The following HEMK2 variants were observed in gnomAD, a reference collection of about 807,000 sequenced individuals.
The protein encoded by HEMK2 is methyltransferase HEMK2.
chr21:28,598,067 A>G, the HEMK2 span, among the ~76,000 whole-genome samples: 3,562 of 152,284 alleles, frequency 0.023, 155 homozygotes, highest in African/African-American at 0.081. Context: ...GATCAGGATC[A>G]TGTATGAGAT....
the HEMK2 span, chr21:28,876,341 C>T: frequency 3.6e-5 from 47 of 1,318,002 alleles, no homozygotes; most frequent in Non-Finnish European, 4.4e-5. Flanking sequence ...TCAAAATATG[C>T]TAAATGCATT....
At chr21:28,870,052 T>C in the HEMK2 span, among the ~76,000 whole-genome samples, 1 of 152,230 alleles carries the variant, frequency 6.6e-6, no homozygotes, top group Non-Finnish European at 1.5e-5. Context: ...GAATTTTTTG[T>C]TTATCATTAT....
the HEMK2 span, among the ~76,000 whole-genome samples, chr21:28,680,754 A>T: frequency 6.6e-6 from 1 of 152,350 alleles, no homozygotes; most frequent in African/African-American, 2.4e-5. Context: ...AACATATGCA[A>T]ATCAATAAAC....
At chr21:28,837,115 C>T in the HEMK2 span, among the ~76,000 whole-genome samples, 1 of 152,182 alleles carries the variant, frequency 6.6e-6, no homozygotes, top group Non-Finnish European at 1.5e-5. Flanking sequence ...CAGCATTCCA[C>T]TGACAGCACT....
At chr21:28,604,388 G>A in the HEMK2 span, among the ~76,000 whole-genome samples, 6 of 152,144 alleles carry the variant, frequency 3.9e-5, no homozygotes, top group Admixed American at 1.3e-4. Context: ...TTGTGCACAT[G>A]TACCCTAGAA....
At chr21:28,709,801 G>C in the HEMK2 span, among the ~76,000 whole-genome samples, 1 of 152,098 alleles carries the variant, frequency 6.6e-6, no homozygotes, top group African/African-American at 2.4e-5. Flanking sequence ...CCAGGTGAAG[G>C]GCACCTGAAA....
the HEMK2 span, among the ~76,000 whole-genome samples, chr21:28,688,349 A>T: frequency 6.6e-6 from 1 of 152,232 alleles, no homozygotes; most frequent in Admixed American, 6.5e-5. Flanking sequence ...TTTCAACAGT[A>T]ATTGAACAAT....
the HEMK2 span, among the ~76,000 whole-genome samples, chr21:28,694,997 C>CA: frequency 0.24 from 26,006 of 109,774 alleles, 2,634 homozygotes; most frequent in East Asian, 0.42. Flanking sequence ...GACTCTGTCT[C>CA]AAAAAAAAAA....
chr21:28,670,840 T>G, the HEMK2 span: 1 of 152,160 alleles, frequency 6.6e-6, no homozygotes, highest in Non-Finnish European at 1.5e-5. Flanking sequence ...CTTATAAAAC[T>G]GTCAGATCTT....
chr21:28,597,904 T>G, the HEMK2 span, among the ~76,000 whole-genome samples: 2 of 152,126 alleles, frequency 1.3e-5, no homozygotes, highest in Non-Finnish European at 2.9e-5. Context: ...AATTTGATGT[T>G]AAGGATGGAA....
the HEMK2 span, among the ~76,000 whole-genome samples, chr21:28,600,795 G>T: frequency 0.39 from 58,582 of 151,972 alleles, 11,705 homozygotes; most frequent in Middle Eastern, 0.48. Context: ...AATTTCTTCC[G>T]CCAGATACCC....
the HEMK2 span, among the ~76,000 whole-genome samples, chr21:28,846,752 T>A: frequency 2.1e-4 from 32 of 152,182 alleles, no homozygotes; most frequent in East Asian, 5.8e-3. Flanking sequence ...AAGCATAGTA[T>A]CTGATAGGTA....
the HEMK2 span, among the ~76,000 whole-genome samples, chr21:28,824,759 G>A: frequency 6.6e-6 from 1 of 152,216 alleles, no homozygotes; most frequent in South Asian, 2.1e-4. Context: ...ATAATGGACA[G>A]TCTTCCTCTT....
the HEMK2 span, among the ~76,000 whole-genome samples, chr21:28,642,651 A>G: frequency 6.6e-6 from 1 of 152,208 alleles, no homozygotes; most frequent in Non-Finnish European, 1.5e-5. Flanking sequence ...GGAAGACTTT[A>G]CTGAGCGGAG....
At chr21:28,811,277 A>AAAGAAAGAAAGAAAGAAAGAGAAAGG in the HEMK2 span, among the ~76,000 whole-genome samples, 3 of 148,200 alleles carry the variant, frequency 2.0e-5, no homozygotes, top group African/African-American at 7.7e-5. Context: ...AAAGAGAAAG[A>AAAGAAAGAAAGAAAGAAAGAGAAAGG]AAGAAAAGAA....
At chr21:28,636,646 A>G in the HEMK2 span, among the ~76,000 whole-genome samples, 3 of 152,220 alleles carry the variant, frequency 2.0e-5, no homozygotes, top group South Asian at 6.2e-4. Context: ...GGCAAACAAA[A>G]CTCACGAAAA....
At chr21:28,608,628 T>A in the HEMK2 span, among the ~76,000 whole-genome samples, 1 of 152,210 alleles carries the variant, frequency 6.6e-6, no homozygotes, top group East Asian at 1.9e-4. Context: ...TTGGCTTGCT[T>A]TCTCAGCTGG....
the HEMK2 span, among the ~76,000 whole-genome samples, chr21:28,645,959 A>C: frequency 6.6e-6 from 1 of 152,192 alleles, no homozygotes; most frequent in South Asian, 2.1e-4. Flanking sequence ...CTATATACCT[A>C]TAAATTCACA....
chr21:28,578,375 G>C, the HEMK2 span, among the ~76,000 whole-genome samples: 1,462 of 152,274 alleles, frequency 9.6e-3, 27 homozygotes, highest in African/African-American at 0.033. Flanking sequence ...CACCCTTCTG[G>C]TGAAGGAAGG....
Sources: allele counts gnomAD v4.1 joint callset (sites outside exome capture counted in the v4.1 genomes callset), GRCh38; gene constraint gnomAD v4.1.1; transcripts MANE v1.5; gene names NCBI Gene and HGNC (gene_info 2026-07-23, HGNC 2026-07-21).